The following PLCH1 variants were observed in gnomAD, a reference collection of about 807,000 sequenced individuals.
PLCH1 encodes the protein phospholipase C eta 1, also known as 1-phosphatidylinositol 4,5-bisphosphate phosphodiesterase eta-1.
In PLCH1, 60 loss-of-function variants were observed where a neutral mutation model predicts 126.7. The observed-to-expected ratio is 0.47, with a 90% confidence interval of 0.38 to 0.59. PLCH1 has a LOEUF of 0.59. PLCH1 is among the 20% of genes least tolerant of loss of function. PLCH1 has a pLI of 0.00. For missense variants in PLCH1, 1,723 were observed against 2,040.0 expected (o/e 0.84, Z 2.99); for synonymous variants, 719 against 734.9 (o/e 0.98, Z 0.35).
rs537923446 is a variant in PLCH1 at position 155,590,282 on chromosome 3, T to C, written c.470+3659A>G. 3.9e-5 allele frequency among the ~76,000 whole-genome samples: 6 copies of C among 152,334 alleles called. No homozygotes were observed. In the East Asian group the frequency reaches 1.2e-3, roughly 29 times the overall value. ...TCAAATTAAGGATGTGATCCCATTATTAAGATACTATCTAGGCCAGGTGCG... is the reference window on the plus strand; with the variant it reads ...TCAAATTAAGGATGTGATCCCATTACTAAGATACTATCTAGGCCAGGTGCG... On this transcript the variant is annotated intron_variant, in intron 4 of 22. Coordinates refer to ENST00000460012, the MANE Select transcript of PLCH1 (RefSeq NM_014996.4).
chr3:155,642,339 A>G (rs1739493421), intron 2 of PLCH1, among the ~76,000 whole-genome samples: 1 of 152,200 alleles, frequency 6.6e-6, no homozygotes, highest in African/African-American at 2.4e-5. Context: ...AAAACCACTC[A>G]GGATAAATTG....
intron 2 of PLCH1, among the ~76,000 whole-genome samples, chr3:155,667,790 C>T (rs1226594107): frequency 1.3e-5 from 2 of 150,216 alleles, no homozygotes; most frequent in African/African-American, 4.9e-5. Context: ...GTTGGCCAAG[C>T]GCGATGGCAC....
chr3:155,613,239 C>A (rs900696142), intron 2 of PLCH1, among the ~76,000 whole-genome samples: 2 of 152,108 alleles, frequency 1.3e-5, no homozygotes, highest in East Asian at 1.9e-4. Flanking sequence ...GAACTGGTAC[C>A]AATCCTATTG....
At chr3:155,663,294 A>C (rs1457370737) in intron 2 of PLCH1, among the ~76,000 whole-genome samples, 1 of 152,230 alleles carries the variant, frequency 6.6e-6, no homozygotes, top group African/African-American at 2.4e-5. Context: ...AATCTACAAA[A>C]ATCTATGTAT....
Position 155,586,130 on chromosome 3 carries a change from T to C in PLCH1, c.535A>G (p.Ile179Val), listed in dbSNP as rs1171769559. Residue 179 changes from isoleucine to valine, a missense_variant, in exon 5 of 23, where the codon ATA becomes GTA. By Grantham distance (29) the Ile-to-Val change is conservative. This residue lies in a region of PLCH1 where 776 missense variants were observed against 1,062.9 expected (regional missense o/e 0.73). Transcript: ENST00000460012. Reference protein sequence around the residue: ...NGDGLLNIEEIHQLMHKLNVN... With the variant: ...NGDGLLNIEEVHQLMHKLNVN... ...TTCAGTTTATGCATCAGCTGATGTA[T>C]CTCTTCAATATTCAGCAAGCCGTCA... 4 of 1,613,780 alleles carry C rather than the reference T, an allele frequency of 2.5e-6. No individual in the cohort carries two copies. Among genetic ancestry groups the C allele is most frequent in the Non-Finnish European group, 2.5e-6 (3 of 1,179,670 alleles).
intron 1 of PLCH1, among the ~76,000 whole-genome samples, chr3:155,737,420 C>T (rs558682135): frequency 7.2e-4 from 109 of 151,628 alleles, no homozygotes; most frequent in African/African-American, 2.4e-3. Flanking sequence ...CAACATCAAC[C>T]TCCTGGGTTC....
At chr3:155,478,031 T>C (rs929478837), downstream of PLCH1, among the ~76,000 whole-genome samples, 1 of 152,084 alleles carries the variant, frequency 6.6e-6, no homozygotes, top group African/African-American at 2.4e-5. Context: ...ATAAAGAAAA[T>C]GTGGTACATA....
Position 155,593,930 on chromosome 3 carries a change from A to G in PLCH1, c.470+11T>C. 6.2e-7 allele frequency: 1 copy of G among 1,613,484 alleles called. No homozygotes were observed. Among genetic ancestry groups the G allele is most frequent in the Non-Finnish European group, 8.5e-7 (1 of 1,179,568 alleles). On this transcript the variant is annotated intron_variant, in intron 4 of 22. Coordinates refer to ENST00000460012, the MANE Select transcript of PLCH1 (RefSeq NM_014996.4). Reference sequence around the variant, plus strand: ...AAGAGAGAGCTGAAAATAAAGTTCTAGAAAGGATATTGGTCATGGGTCCTC... The same window carrying G: ...AAGAGAGAGCTGAAAATAAAGTTCTGGAAAGGATATTGGTCATGGGTCCTC...
chr3:155,626,277 C>G (rs1049510500), intron 2 of PLCH1, among the ~76,000 whole-genome samples: 1 of 151,810 alleles, frequency 6.6e-6, no homozygotes, highest in Non-Finnish European at 1.5e-5. Context: ...GTCAGAAACA[C>G]AGGACACTGG....
At chr3:155,544,259 T>G (rs976823712) in intron 10 of PLCH1, among the ~76,000 whole-genome samples, 37 of 152,126 alleles carry the variant, frequency 2.4e-4, no homozygotes, top group African/African-American at 8.5e-4. Context: ...AAAACAGATT[T>G]TAAACCAACA....
chr3:155,685,251 A>G (rs1036496828), intron 2 of PLCH1, among the ~76,000 whole-genome samples: 1 of 152,232 alleles, frequency 6.6e-6, no homozygotes, highest in Non-Finnish European at 1.5e-5. Context: ...CAATTGTGAG[A>G]TACGGTAAGG....
At chr3:155,472,437 T>C (rs1045657979) in intron 21 of PLCH1, among the ~76,000 whole-genome samples, 3 of 152,068 alleles carry the variant, frequency 2.0e-5, no homozygotes, top group African/African-American at 4.8e-5. Flanking sequence ...CAAAAATCAA[T>C]AGTTTACCAA....
chr3:155,501,377 G>A (rs116598200), intron 13 of PLCH1, among the ~76,000 whole-genome samples: 85 of 152,258 alleles, frequency 5.6e-4, no homozygotes, highest in African/African-American at 1.9e-3. Flanking sequence ...AAGGCTCCAG[G>A]TCTAATCTGG....
chr3:155,733,934 CAT>C (rs35149793), intron 1 of PLCH1, among the ~76,000 whole-genome samples: 6,141 of 94,738 alleles, frequency 0.065, 115 homozygotes, highest in Non-Finnish European at 0.077. Flanking sequence ...AACAGGTATA[CAT>C]ATATATATAT....
chr3:155,532,100 C>G (rs955916917), intron 10 of PLCH1, among the ~76,000 whole-genome samples: 3 of 152,204 alleles, frequency 2.0e-5, no homozygotes, highest in South Asian at 2.1e-4. Context: ...ACACATCTTC[C>G]TCACTAAGCT....
chr3:155,472,007 A>T (rs1298111535), intron 21 of PLCH1, among the ~76,000 whole-genome samples: 1 of 152,200 alleles, frequency 6.6e-6, no homozygotes, highest in Non-Finnish European at 1.5e-5. Flanking sequence ...CCAACATCAC[A>T]ATTAAAAGAA....
chr3:155,621,791 G>A (rs1736548594), intron 2 of PLCH1, among the ~76,000 whole-genome samples: 1 of 152,202 alleles, frequency 6.6e-6, no homozygotes, highest in South Asian at 2.1e-4. Flanking sequence ...TTTGATTGGT[G>A]TATCTGAAAG....
intron 13 of PLCH1, among the ~76,000 whole-genome samples, chr3:155,502,476 A>G (rs1718046255): frequency 6.6e-6 from 1 of 152,206 alleles, no homozygotes; most frequent in African/African-American, 2.4e-5. Flanking sequence ...TTGAAAGACT[A>G]TTTTAATTGT....
chr3:155,530,149 C>T (rs1013921332), intron 10 of PLCH1, among the ~76,000 whole-genome samples: 3 of 152,162 alleles, frequency 2.0e-5, no homozygotes, highest in African/African-American at 7.2e-5. Context: ...TGTTTAACAG[C>T]ATTTTACCTA....
Sources: allele counts gnomAD v4.1 joint callset (sites outside exome capture counted in the v4.1 genomes callset), GRCh38; gene constraint gnomAD v4.1.1; regional missense constraint gnomAD v4.1.1; transcripts MANE v1.5; gene names NCBI Gene and HGNC (gene_info 2026-07-23, HGNC 2026-07-21).